ACTN2: variants seen among roughly 807,000 people sequenced by gnomAD.
ACTN2 encodes the protein alpha-actinin-2.
Under a neutral mutation model 113.8 loss-of-function variants are expected in ACTN2, and 39 were observed. The ratio of observed to expected loss-of-function variants is 0.34; its 90% CI spans 0.27 to 0.45. The LOEUF is 0.45. Among genes scored for constraint, ACTN2 ranks in the 20% least tolerant of loss-of-function variants. The pLI is 1.00. For synonymous variants in ACTN2, 429 were observed against 444.1 expected, an observed-to-expected ratio of 0.97 and a Z score of 0.43; for missense variants, 992 against 1,177.9, an observed-to-expected ratio of 0.84 and a Z score of 2.31.
rs1659450427 is a variant in ACTN2 at position 236,753,075 on chromosome 1, G to A, written c.1840-872G>A. Among the ~76,000 whole-genome samples, 7 of 152,180 alleles carry A rather than the reference G, an allele frequency of 4.6e-5. No homozygotes were observed. In the South Asian group the frequency reaches 1.5e-3, roughly 32 times the overall value. ...ATGTAACTCACAAATGGAACAGAAAGCAGGTAGACAGGTGTATACTCTTCT... is the reference window on the plus strand; with the variant it reads ...ATGTAACTCACAAATGGAACAGAAAACAGGTAGACAGGTGTATACTCTTCT... On this transcript the variant is annotated intron_variant, in intron 15 of 20. Transcript: ENST00000366578.
chr1:236,740,975 G>C (rs2102924720), intron 10 of ACTN2, among the ~76,000 whole-genome samples: 1 of 152,270 alleles, frequency 6.6e-6, no homozygotes, highest in Non-Finnish European at 1.5e-5. Flanking sequence ...GTGATTCTCA[G>C]GCTTGGTGCT....
In ACTN2 at chr1:236,753,944, C is replaced by A. The variant is rs1659474232; in HGVS notation, c.1840-3C>A. On this transcript the variant is annotated splice_polypyrimidine_tract_variant and splice_region_variant and intron_variant, in intron 15 of 20. Coordinates refer to ENST00000366578, the MANE Select transcript of ACTN2 (RefSeq NM_001103.4). ...AACCCTTGTTGTCCTTGGGCCCTGA[C>A]AGGTGAAGCAACTCGTGCCCATCCG... The A allele has an allele frequency of 6.2e-7, 1 of 1,601,858 alleles. No homozygotes were observed. The highest frequency in any genetic ancestry group is 8.5e-7 in the Non-Finnish European group (1 of 1,172,570).
At chr1:236,702,251 ATGAAG>A (rs1657699540) in intron 1 of ACTN2, among the ~76,000 whole-genome samples, 1 of 152,200 alleles carries the variant, frequency 6.6e-6, no homozygotes, top group Non-Finnish European at 1.5e-5. Flanking sequence ...TGGACGATTA[ATGAAG>A]TAAAGCTAGC....
intron 1 of ACTN2, among the ~76,000 whole-genome samples, chr1:236,715,084 G>T (rs144482435): frequency 1.3e-5 from 2 of 152,086 alleles, no homozygotes; most frequent in African/African-American, 2.4e-5. Flanking sequence ...AGGGCATTGG[G>T]TAGCCAAGGA....
chr1:236,754,202 G>T lies in ACTN2; in HGVS notation c.1974+121G>T. On this transcript the variant is annotated intron_variant, in intron 16 of 20. Transcript: ENST00000366578. The surrounding 1 kb of genome is among the most constrained non-coding windows in gnomAD (Gnocchi z 4.9). ...ACCCACTCAGTCAGGTGGGAGCACC[G>T]TTCTGTTATCACCCCGGCTTTATCT... 7.5e-7 allele frequency: 1 copy of T among 1,332,880 alleles called. No individual in the cohort carries two copies. Among genetic ancestry groups the T allele is most frequent in the Non-Finnish European group, 1.1e-6 (1 of 948,628 alleles). 82.6% of individuals were successfully genotyped at this position (1,332,880 alleles called of 1,614,324 possible). A position where few individuals can be genotyped will look rare whatever the true frequency, so the allele number is the denominator to read the frequency against.
intron 17 of ACTN2, among the ~76,000 whole-genome samples, chr1:236,755,993 G>A (rs1231482806): frequency 3.0e-5 from 1 of 33,514 alleles, no homozygotes; most frequent in African/African-American, 1.2e-4. Context: ...CAGAGGGCCC[G>A]CTGCCACTGT....
intron 1 of ACTN2, among the ~76,000 whole-genome samples, chr1:236,716,991 C>T (rs1214029439): frequency 6.6e-6 from 1 of 151,922 alleles, no homozygotes; most frequent in Admixed American, 6.6e-5. Context: ...CACGTTACCA[C>T]ACCCAGCTAA....
chr1:236,749,057 C>A, intron 13 of ACTN2, 67 bp from the exon 14 acceptor site: 1 of 1,553,516 alleles, frequency 6.4e-7, no homozygotes, highest in Middle Eastern at 1.7e-4. Context: ...TTATGGAACG[C>A]CTACTTACAC....
rs35608028 is a variant in ACTN2, at chr1:236,722,634, C to CAAAAAAAA, written c.448+2453_448+2460dup. ...TGGGTAACAGAGCAAGACTCCGTCT[C>CAAAAAAAA]AAAAAAAAAAAAAAAAAGAAAAAGA... is the stretch of plus-strand genomic sequence containing the variant. On this transcript the variant is annotated intron_variant, in intron 4 of 20. Transcript: ENST00000366578. Among the ~76,000 whole-genome samples the CAAAAAAAA allele has an allele frequency of 8.1e-4, 89 of 110,558 alleles. 2 individuals carry two copies. The highest frequency in any genetic ancestry group is 1.0e-3 in the Non-Finnish European group (57 of 56,632). 72.5% of individuals were successfully genotyped at this position (110,558 alleles called of 152,430 possible). A position where few individuals can be genotyped will look rare whatever the true frequency, so the allele number is the denominator to read the frequency against.
Position 236,762,585 on chromosome 1 carries a change from T to G in ACTN2, c.2651T>G (p.Phe884Cys). ...CCTGGTGCACTGGATTACGCTGCGT[T>G]CTCTTCCGCACTCTACGGGGAGAGC... ...SVPGALDYAAFSSALYGESDL is the reference protein window; with the variant it reads ...SVPGALDYAACSSALYGESDL The change falls in exon 21 of 21, where the codon TTC (phenylalanine) becomes TGC (cysteine). Residue 884 changes from phenylalanine (F) to cysteine (C), a missense_variant. Phe to Cys is a radical substitution (Grantham distance 205). Transcript: ENST00000366578. The G allele has an allele frequency of 6.2e-7, 1 of 1,614,162 alleles. No homozygotes were observed. Among genetic ancestry groups the G allele is most frequent in the South Asian group, 1.1e-5 (1 of 91,080 alleles).
At chr1:236,711,161 C>G (rs1248427794) in intron 1 of ACTN2, among the ~76,000 whole-genome samples, 1 of 152,184 alleles carries the variant, frequency 6.6e-6, no homozygotes, top group African/African-American at 2.4e-5. Context: ...CCCACCCTGG[C>G]CAGGGACTCA....
chr1:236,689,338 T>TATACACAC (rs1439126100), intron 1 of ACTN2, among the ~76,000 whole-genome samples: 4 of 41,192 alleles, frequency 9.7e-5, no homozygotes, highest in African/African-American at 1.8e-4. Context: ...TATATATATA[T>TATACACAC]ACACACACAT....
In ACTN2 at chr1:236,735,700, G is replaced by A. The variant is rs1060503682; in HGVS notation, c.763G>A (p.Ala255Thr). 2.5e-6 allele frequency: 4 copies of A among 1,614,140 alleles called. No homozygotes were observed. The highest frequency in any genetic ancestry group is 1.1e-5 in the South Asian group (1 of 91,082). The change falls in exon 8 of 21, where the codon GCT (alanine) becomes ACT (threonine). Residue 255 changes from alanine to threonine, a missense_variant. Ala to Thr is a moderately conservative substitution (Grantham distance 58). Coordinates refer to ENST00000366578, the MANE Select transcript of ACTN2 (RefSeq NM_001103.4). ...GACGTACGTCTCTTGCTTCTACCAC[G>A]CTTTTGCGGGCGCGGAGCAGGTACT... is the stretch of plus-strand genomic sequence containing the variant. ...IMTYVSCFYH[A>T]FAGAEQAETA...
rs752986074 is a variant in ACTN2, at chr1:236,743,058, G to A, written c.1255+15G>A. ...TTGGGCTTATGGTAAGTAGACAGGAGTCAGATTGGATTTTTGAAAAACCAG... is the reference window on the plus strand; with the variant it reads ...TTGGGCTTATGGTAAGTAGACAGGAATCAGATTGGATTTTTGAAAAACCAG... On this transcript the variant is annotated intron_variant, in intron 11 of 20. Transcript: ENST00000366578. 7 of 1,613,898 alleles carry A rather than the reference G, an allele frequency of 4.3e-6. No individual in the cohort carries two copies. The African/African-American group carries it at 5.3e-5, about 12-fold the overall frequency.
chr1:236,738,476 G>C (rs1558240763), intron 9 of ACTN2, among the ~76,000 whole-genome samples: 1 of 152,220 alleles, frequency 6.6e-6, no homozygotes, highest in East Asian at 1.9e-4. Context: ...GCAGTGACAG[G>C]GTTGCCAGAC....
Position 236,759,753 on chromosome 1 carries a change from T to G in ACTN2, c.2331T>G (p.Asp777Glu). 1 of 1,614,132 alleles carries G rather than the reference T, an allele frequency of 6.2e-7. No individual in the cohort carries two copies. Among genetic ancestry groups the G allele is most frequent in the Non-Finnish European group, 8.5e-7 (1 of 1,179,986 alleles). Residue 777 changes from aspartate to glutamate, a missense_variant, in exon 19 of 21, where the codon GAT (aspartate) becomes GAG (glutamate). Physicochemically the swap from Asp to Glu is conservative, Grantham distance 45 (BLOSUM62 2). This residue lies in a region of ACTN2 where 736 missense variants were observed against 815.4 expected (regional missense o/e 0.90). Transcript: ENST00000366578. ...RRKNGLMDHE[D>E]FRACLISMGY... Reference sequence around the variant, plus strand: ...AGAATGGCCTGATGGATCATGAGGATTTCAGAGCCTGCCTGATTTCCATGG... The same window carrying G: ...AGAATGGCCTGATGGATCATGAGGAGTTCAGAGCCTGCCTGATTTCCATGG...
chr1:236,695,563 T>TCAC (rs1657467279), intron 1 of ACTN2, among the ~76,000 whole-genome samples: 2 of 100,794 alleles, frequency 2.0e-5, no homozygotes, highest in Non-Finnish European at 1.9e-5. Flanking sequence ...TGAAATGAGT[T>TCAC]CCCCCCCCCT....
intron 6 of ACTN2, among the ~76,000 whole-genome samples, chr1:236,728,333 C>T (rs554297470): frequency 8.3e-4 from 127 of 152,116 alleles, no homozygotes; most frequent in South Asian, 4.2e-4. Flanking sequence ...TTAGTAGAGA[C>T]GGGGTTTCAC....
At chr1:236,702,942 T>G (rs1439206320) in intron 1 of ACTN2, among the ~76,000 whole-genome samples, 1 of 152,214 alleles carries the variant, frequency 6.6e-6, no homozygotes, top group Non-Finnish European at 1.5e-5. Flanking sequence ...AGTAGCAGTA[T>G]GGTGAACTTA....
Sources: gnomAD v4.1 joint callset for allele counts (sites outside exome capture counted in the v4.1 genomes callset) on GRCh38, gnomAD v4.1.1 for gene constraint, gnomAD v4.1.1 regional missense constraint, Gnocchi (gnomAD v3.1) non-coding constraint, MANE v1.5 for transcripts, NCBI Gene and HGNC (gene_info 2026-07-23, HGNC 2026-07-21) for gene names.